The following FGF12 variants were observed in gnomAD, a reference collection of about 807,000 sequenced individuals.
FGF12 encodes fibroblast growth factor 12B.
FGF12 carries 14 observed loss-of-function variants against 23.6 expected under a neutral mutation model. The observed-to-expected ratio is 0.59, with a 90% confidence interval of 0.39 to 0.93. The LOEUF (loss-of-function observed/expected upper bound fraction) is 0.93. Ranked by LOEUF, FGF12 falls within the 40% of genes least tolerant of loss-of-function variation. The pLI, the probability that FGF12 is intolerant of heterozygous loss-of-function variation, is 0.00. For synonymous variants in FGF12, 62 were observed against 77.3 expected, an observed-to-expected ratio of 0.80 and a Z score of 1.04; for missense variants, 175 against 217.8, an observed-to-expected ratio of 0.80 and a Z score of 1.24.
At chr3:192,610,990 T>C (rs1377180952) in intron 2 of FGF12, among the ~76,000 whole-genome samples, 1 of 152,088 alleles carries the variant, frequency 6.6e-6, no homozygotes, top group Non-Finnish European at 1.5e-5. Context: ...CTTTCCTCTT[T>C]AGCCCTTATC....
intron 4 of FGF12, among the ~76,000 whole-genome samples, chr3:192,331,591 C>A (rs538660161): frequency 6.6e-6 from 1 of 151,972 alleles, no homozygotes; most frequent in African/African-American, 2.4e-5. Flanking sequence ...AAGCCAGTTA[C>A]AAAATGCACA....
intron 2 of FGF12, among the ~76,000 whole-genome samples, chr3:192,664,849 A>C (rs1261158450): frequency 6.6e-6 from 1 of 152,198 alleles, no homozygotes; most frequent in Non-Finnish European, 1.5e-5. Context: ...GCATGGAATA[A>C]AGAATCCAGT....
intron 2 of FGF12, among the ~76,000 whole-genome samples, chr3:192,471,029 G>C (rs1285182329): frequency 6.6e-6 from 1 of 151,998 alleles, no homozygotes; most frequent in Non-Finnish European, 1.5e-5. Flanking sequence ...TATTTCATTG[G>C]TTGTTTCATT....
At chr3:192,583,314 G>A (rs150711299) in intron 2 of FGF12, among the ~76,000 whole-genome samples, 148 of 152,228 alleles carry the variant, frequency 9.7e-4, no homozygotes, top group African/African-American at 3.3e-3. Flanking sequence ...GATGCGAATC[G>A]TTTAATGATA....
intron 2 of FGF12, among the ~76,000 whole-genome samples, chr3:192,470,330 T>C (rs1723134683): frequency 6.6e-6 from 1 of 152,168 alleles, no homozygotes; most frequent in African/African-American, 2.4e-5. Context: ...GCTTTGAAAA[T>C]CCAACATTGG....
chr3:192,157,035 G>A (rs1714464746), intron 5 of FGF12, among the ~76,000 whole-genome samples: 1 of 152,202 alleles, frequency 6.6e-6, no homozygotes, highest in Admixed American at 6.5e-5. Context: ...ATAAGGTAGA[G>A]ATTTGGTGCG....
chr3:192,623,963 T>G (rs572640166), intron 2 of FGF12, among the ~76,000 whole-genome samples: 1 of 152,342 alleles, frequency 6.6e-6, no homozygotes, highest in East Asian at 1.9e-4. Context: ...TAATCAATTT[T>G]AAGACTAGGT....
intron 3 of FGF12, among the ~76,000 whole-genome samples, chr3:192,355,207 G>A (rs908122765): frequency 2.0e-5 from 3 of 152,072 alleles, no homozygotes; most frequent in African/African-American, 7.2e-5. Flanking sequence ...TTATATAGGA[G>A]GATATTCTTT....
At chr3:192,452,468 C>T (rs1722552551) in intron 2 of FGF12, among the ~76,000 whole-genome samples, 1 of 152,108 alleles carries the variant, frequency 6.6e-6, no homozygotes, top group African/African-American at 2.4e-5. Flanking sequence ...TACTAATTTT[C>T]TTAAGTATTT....
chr3:192,294,941 C>G (rs1416416935), intron 4 of FGF12, among the ~76,000 whole-genome samples: 1 of 152,082 alleles, frequency 6.6e-6, no homozygotes, highest in Non-Finnish European at 1.5e-5. Flanking sequence ...CAGAATTTTG[C>G]CCATAAGACC....
At chr3:192,460,214 A>C (rs1192007307) in intron 2 of FGF12, among the ~76,000 whole-genome samples, 1 of 152,206 alleles carries the variant, frequency 6.6e-6, no homozygotes, top group African/African-American at 2.4e-5. Context: ...GAAAATGTAA[A>C]GCATGCTCCA....
chr3:192,606,917 A>G (rs1714359994), intron 2 of FGF12, among the ~76,000 whole-genome samples: 1 of 152,140 alleles, frequency 6.6e-6, no homozygotes, highest in African/African-American at 2.4e-5. Context: ...AAGTAATTGC[A>G]GCAGCATGTT....
At chr3:192,362,857 A>G (rs1718795459) in intron 2 of FGF12, among the ~76,000 whole-genome samples, 1 of 152,184 alleles carries the variant, frequency 6.6e-6, no homozygotes, top group Admixed American at 6.6e-5. Context: ...CTGCTTTAGT[A>G]AATATTAACT....
At position 192,409,697 on chromosome 3, in the gene FGF12, G is replaced by A. The variant is rs1163374629; in HGVS notation, c.14-49159C>T. Reference sequence around the variant, plus strand: ...GCGGCTGAGGCTCCTGGCCGGAGCTGCCCACCATGGTCTGGCGCCAGGGGC... The same window carrying A: ...GCGGCTGAGGCTCCTGGCCGGAGCTACCCACCATGGTCTGGCGCCAGGGGC... On this transcript the variant is annotated intron_variant, in intron 2 of 5. Coordinates refer to ENST00000445105, the MANE Select transcript of FGF12 (RefSeq NM_004113.6). This position sits in a 1 kb window ranked among gnomAD's most constrained non-coding sequence, Gnocchi z 4.8. 6.6e-6 allele frequency among the ~76,000 whole-genome samples: 1 copy of A among 152,166 alleles called. No individual in the cohort carries two copies. Among genetic ancestry groups the A allele is most frequent in the Non-Finnish European group, 1.5e-5 (1 of 68,000 alleles).
At chr3:192,710,681 T>C (rs771899712) in intron 2 of FGF12, among the ~76,000 whole-genome samples, 3 of 152,232 alleles carry the variant, frequency 2.0e-5, no homozygotes, top group Non-Finnish European at 2.9e-5. Flanking sequence ...GACGGTATTA[T>C]AACCTCAAAT....
chr3:192,701,627 C>T (rs370701637), intron 2 of FGF12, among the ~76,000 whole-genome samples: 17 of 152,148 alleles, frequency 1.1e-4, no homozygotes, highest in African/African-American at 3.9e-4. Context: ...TGTGGTATAG[C>T]GGCAAGAAAA....
At chr3:192,511,927 C>T (rs969167564) in intron 2 of FGF12, among the ~76,000 whole-genome samples, 3 of 152,052 alleles carry the variant, frequency 2.0e-5, no homozygotes, top group African/African-American at 7.2e-5. Context: ...TTTAATGATA[C>T]TAAAAAGCTC....
intron 2 of FGF12, among the ~76,000 whole-genome samples, chr3:192,427,816 C>T (rs1216560231): frequency 6.6e-6 from 1 of 152,162 alleles, no homozygotes; most frequent in Non-Finnish European, 1.5e-5. Context: ...TTCCAAGAAA[C>T]ACAGAGACAG....
At chr3:192,616,987 G>T (rs1477352011) in intron 2 of FGF12, among the ~76,000 whole-genome samples, 2 of 151,988 alleles carry the variant, frequency 1.3e-5, no homozygotes, top group Admixed American at 6.6e-5. Context: ...CTAAAGAACA[G>T]ATACATGGAA....
Sources: gnomAD v4.1 joint callset for allele counts (sites outside exome capture counted in the v4.1 genomes callset) on GRCh38, gnomAD v4.1.1 for gene constraint, Gnocchi (gnomAD v3.1) non-coding constraint, MANE v1.5 for transcripts, NCBI Gene and HGNC (gene_info 2026-07-23, HGNC 2026-07-21) for gene names.